Variants in KCNH1 observed in about 807,000 individuals in gnomAD.
The protein encoded by KCNH1 is potassium voltage-gated channel subfamily H member 1.
Under a neutral mutation model 69.2 loss-of-function variants are expected in KCNH1, and 27 were observed. The observed-to-expected ratio is 0.39, with a 90% confidence interval of 0.29 to 0.54. The LOEUF (loss-of-function observed/expected upper bound fraction) is 0.54, where lower values mean the gene tolerates loss of function less well. Ranked by LOEUF, KCNH1 falls within the 20% of genes least tolerant of loss-of-function variation. The pLI is 0.68. For missense variants in KCNH1, 798 were observed against 1,261.6 expected (o/e 0.63, Z 5.57); for synonymous variants, 456 against 487.7 (o/e 0.93, Z 0.86).
chr1:210,926,276 C>G (rs1481111791), intron 6 of KCNH1, among the ~76,000 whole-genome samples: 1 of 151,866 alleles, frequency 6.6e-6, no homozygotes, highest in African/African-American at 2.4e-5. Context: ...CACACACACA[C>G]ACACACACAC....
chr1:210,718,689 C>T (rs374332103), intron 10 of KCNH1, among the ~76,000 whole-genome samples: 26 of 86,864 alleles, frequency 3.0e-4, no homozygotes, highest in African/African-American at 9.5e-4. Context: ...CACACACACA[C>T]ACATATATAT....
chr1:211,029,166 C>CAAAA lies in KCNH1; in HGVS notation c.559-9914_559-9911dup, dbSNP rs34291308. On this transcript the variant is annotated intron_variant, in intron 5 of 10. Coordinates refer to ENST00000271751, the MANE Select transcript of KCNH1 (RefSeq NM_172362.3). ...GCAACATAGAGAGACCCCATCTCTA[C>CAAAA]AAAAAAAAAAAAAAAAAAAGGTCAG... Among the ~76,000 whole-genome samples the CAAAA allele has an allele frequency of 2.3e-3, 123 of 52,706 alleles. 1 individual carries two copies. Among genetic ancestry groups the CAAAA allele is most frequent in the African/African-American group, 7.5e-3 (112 of 14,940 alleles). 34.6% of individuals were successfully genotyped at this position (52,706 alleles called of 152,430 possible).
intron 3 of KCNH1, among the ~76,000 whole-genome samples, chr1:211,096,866 A>C (rs1174659482): frequency 6.6e-6 from 1 of 152,260 alleles, no homozygotes; most frequent in Non-Finnish European, 1.5e-5. Flanking sequence ...TACTATAGTA[A>C]TTAAGAGTCA....
At chr1:210,843,566 G>C (rs1685471595) in intron 7 of KCNH1, among the ~76,000 whole-genome samples, 1 of 152,056 alleles carries the variant, frequency 6.6e-6, no homozygotes, top group Admixed American at 6.6e-5. Flanking sequence ...TGACATACTA[G>C]GGCTAAACTG....
At chr1:211,096,308 C>T (rs2102477860) in intron 3 of KCNH1, among the ~76,000 whole-genome samples, 1 of 152,256 alleles carries the variant, frequency 6.6e-6, no homozygotes, top group South Asian at 2.1e-4. Flanking sequence ...AGGTGATCTG[C>T]CCGCCTTGGC....
intron 5 of KCNH1, among the ~76,000 whole-genome samples, chr1:211,053,007 T>C (rs1690233022): frequency 6.6e-6 from 1 of 152,238 alleles, no homozygotes; most frequent in Admixed American, 6.5e-5. Flanking sequence ...TTTGTGTAGT[T>C]CATAAAAAAA....
chr1:210,929,202 A>C (rs1214337461), intron 6 of KCNH1, among the ~76,000 whole-genome samples: 1 of 152,140 alleles, frequency 6.6e-6, no homozygotes, highest in Non-Finnish European at 1.5e-5. Context: ...CCTACTACCA[A>C]AATCAGGGAA....
chr1:210,757,020 A>T (rs1683413175), intron 10 of KCNH1, among the ~76,000 whole-genome samples: 1 of 152,164 alleles, frequency 6.6e-6, no homozygotes, highest in Non-Finnish European at 1.5e-5. Flanking sequence ...TTCCTGATTG[A>T]GTATCAGCCA....
chr1:211,073,511 A>G (rs1372926570), intron 5 of KCNH1, among the ~76,000 whole-genome samples: 1 of 152,182 alleles, frequency 6.6e-6, no homozygotes, highest in African/African-American at 2.4e-5. Flanking sequence ...GAAATCATAC[A>G]ATGTCTGCTC....
intron 7 of KCNH1, among the ~76,000 whole-genome samples, chr1:210,863,036 G>A (rs1171379910): frequency 2.6e-5 from 4 of 152,316 alleles, no homozygotes; most frequent in Non-Finnish European, 5.9e-5. Flanking sequence ...TTGATGACTT[G>A]TGTTAGAAGG....
At chr1:211,129,551 GAC>G (rs898554298) in intron 1 of KCNH1, among the ~76,000 whole-genome samples, 10 of 152,186 alleles carry the variant, frequency 6.6e-5, no homozygotes, top group Non-Finnish European at 1.3e-4. Flanking sequence ...TTAACTTTTT[GAC>G]ACTTTCAGAG....
intron 6 of KCNH1, among the ~76,000 whole-genome samples, chr1:210,943,323 TTTTTTTA>T (rs571289908): frequency 0.011 from 1,700 of 151,936 alleles, 11 homozygotes; most frequent in Middle Eastern, 0.021. Flanking sequence ...CTCCCCTTCT[TTTTTTTA>T]TTTTTTATTT....
At chr1:210,952,922 T>G (rs530818597) in intron 6 of KCNH1, among the ~76,000 whole-genome samples, 1 of 152,350 alleles carries the variant, frequency 6.6e-6, no homozygotes, top group African/African-American at 2.4e-5. Context: ...AATATTTTTA[T>G]GGAGGTTTTT....
chr1:210,873,405 T>C (rs1686293155), intron 7 of KCNH1, among the ~76,000 whole-genome samples: 1 of 152,194 alleles, frequency 6.6e-6, no homozygotes, highest in Admixed American at 6.5e-5. Context: ...TGGCGTTCAG[T>C]AGGGCGATTA....
At chr1:210,693,242 C>G (rs1289028547) in intron 10 of KCNH1, among the ~76,000 whole-genome samples, 1 of 152,218 alleles carries the variant, frequency 6.6e-6, no homozygotes, top group African/African-American at 2.4e-5. Flanking sequence ...AGAAGCCCCC[C>G]TCCCTTCACA....
intron 7 of KCNH1, among the ~76,000 whole-genome samples, chr1:210,817,057 G>A (rs1684831012): frequency 6.6e-6 from 1 of 152,126 alleles, no homozygotes; most frequent in Non-Finnish European, 1.5e-5. Context: ...GAATAACCAT[G>A]AGTCTCTTGG....
chr1:210,869,285 TC>T (rs1482738913), intron 7 of KCNH1, among the ~76,000 whole-genome samples: 1 of 152,150 alleles, frequency 6.6e-6, no homozygotes, highest in East Asian at 1.9e-4. Context: ...CCTGCTTGGA[TC>T]TATGAGTTTA....
intron 7 of KCNH1, among the ~76,000 whole-genome samples, chr1:210,811,890 G>A (rs191509007): frequency 1.2e-4 from 19 of 152,266 alleles, no homozygotes; most frequent in African/African-American, 4.3e-4. Context: ...GCCACACACT[G>A]TATCCACCAA....
At chr1:210,810,371 T>TA (rs1684677828) in intron 7 of KCNH1, among the ~76,000 whole-genome samples, 1 of 152,214 alleles carries the variant, frequency 6.6e-6, no homozygotes, top group Non-Finnish European at 1.5e-5. Flanking sequence ...ACCTTTTTGC[T>TA]ATGGTTCCAT....
Sources: gnomAD v4.1 joint callset for allele counts (sites outside exome capture counted in the v4.1 genomes callset) on GRCh38, gnomAD v4.1.1 for gene constraint, MANE v1.5 for transcripts, NCBI Gene and HGNC (gene_info 2026-07-23, HGNC 2026-07-21) for gene names.